Variants in KCNAB2 observed in about 807,000 individuals in gnomAD.
KCNAB2 encodes the protein potassium voltage-gated channel subfamily A regulatory beta subunit 2.
KCNAB2 carries 29 observed loss-of-function variants against 63.6 expected under a neutral mutation model. The observed-to-expected ratio is 0.46, with a 90% confidence interval of 0.34 to 0.62. KCNAB2 has a LOEUF of 0.62. Among genes scored for constraint, KCNAB2 ranks in the 20% least tolerant of loss-of-function variants. The probability of loss-of-function intolerance (pLI) is 0.01; values close to 1 mark genes in which losing one functional copy is unlikely to be tolerated. For synonymous variants in KCNAB2, 222 were observed against 224.2 expected (o/e 0.99, Z 0.09); for missense variants, 359 against 563.9 (o/e 0.64, Z 3.68).
In KCNAB2 at chr1:6,072,538, G is replaced by A. The variant is rs555425187; in HGVS notation, c.219-217G>A. 2.7e-3 allele frequency among the ~76,000 whole-genome samples: 410 copies of A among 152,322 alleles called. 1 individual carries two copies. The highest frequency in any genetic ancestry group is 8.4e-3 in the African/African-American group (350 of 41,578). The stretch of plus-strand genomic sequence containing the variant: ...CCCCCACTGGGCACCAGCAGGGCCC[G>A]TGCCAGCAGCATGGTGTGGGCCGGG... On this transcript the variant is annotated intron_variant, in intron 2 of 15. Coordinates refer to ENST00000378083, the MANE Select transcript of KCNAB2 (RefSeq NM_001199862.2).
intron 10 of KCNAB2, 96 bp from the exon 11 acceptor site, chr1:6,094,304 T>A (rs1665435033): frequency 5.6e-6 from 5 of 885,076 alleles, no homozygotes; most frequent in Non-Finnish European, 9.0e-6. Context: ...CCCCTGTCCC[T>A]CCTCCCAGCG....
Position 6,079,267 on chromosome 1 carries a change from G to A in KCNAB2, c.301-2928G>A, listed in dbSNP as rs539407872. ...CACCCTTCAAAACCCAGTCTTTGTC[G>A]GCCGCACTTTGGGAGGCTGAGGCGG... is the stretch of plus-strand genomic sequence containing the variant. On this transcript the variant is annotated intron_variant, in intron 4 of 15. Transcript: ENST00000378083. Among the ~76,000 whole-genome samples the A allele has an allele frequency of 2.6e-3, 393 of 151,816 alleles. 1 individual carries two copies. The highest frequency in any genetic ancestry group is 7.3e-3 in the African/African-American group (300 of 41,302).
intron 2 of KCNAB2, among the ~76,000 whole-genome samples, chr1:6,065,632 G>A (rs1467256839): frequency 1.3e-5 from 2 of 152,310 alleles, no homozygotes; most frequent in East Asian, 1.9e-4. Context: ...GTCCAAGGAA[G>A]GCGGGTGTGC....
Position 6,090,981 on chromosome 1 carries a change from G to T in KCNAB2, c.602-282G>T, listed in dbSNP as rs1024452797. ...CGTTTTTTATTCTTTCTACTCCTGC[G>T]ATCTCAGCCCCCTCCGCTCCCCCAT... On this transcript the variant is annotated intron_variant, in intron 9 of 15. Coordinates refer to ENST00000378083, the MANE Select transcript of KCNAB2 (RefSeq NM_001199862.2). Among the ~76,000 whole-genome samples, 5 of 152,198 alleles carry T rather than the reference G, an allele frequency of 3.3e-5. No individual in the cohort carries two copies. The East Asian group carries it at 9.6e-4, about 29-fold the overall frequency.
intron 5 of KCNAB2, among the ~76,000 whole-genome samples, chr1:6,084,584 AGTG>A (rs1664495987): frequency 6.6e-6 from 1 of 152,180 alleles, no homozygotes; most frequent in African/African-American, 2.4e-5. Context: ...GGGAGGCCAC[AGTG>A]GGCGGATCAC....
At chr1:6,082,474 T>C (rs995454875) in intron 5 of KCNAB2, among the ~76,000 whole-genome samples, 200 bp downstream of exon 5, 1 of 152,168 alleles carries the variant, frequency 6.6e-6, no homozygotes, top group African/African-American at 2.4e-5. Flanking sequence ...ACTGATCACT[T>C]GCTGAACTCC....
At chr1:6,085,118 G>T in intron 5 of KCNAB2, 86 bp from the exon 6 acceptor site, 1 of 1,392,436 alleles carries the variant, frequency 7.2e-7, no homozygotes, top group Non-Finnish European at 1.0e-6. Context: ...TTTTCACAGA[G>T]GGAACCAAGT....
chr1:6,060,833 G>A (rs946756350), intron 2 of KCNAB2, among the ~76,000 whole-genome samples: 2 of 150,556 alleles, frequency 1.3e-5, no homozygotes, highest in Non-Finnish European at 2.9e-5. Context: ...AACCCAGGAG[G>A]TGGAGGTTGC....
At chr1:6,018,598 C>G (rs1008815179) in intron 1 of KCNAB2, 1 of 152,226 alleles carries the variant, frequency 6.6e-6, no homozygotes, top group African/African-American at 2.4e-5. Context: ...CAGGTATGCA[C>G]CACGACGCCC....
rs952385334 is a variant in KCNAB2, at chr1:6,087,152, GC to G, written c.426-309del. 1.3e-5 allele frequency among the ~76,000 whole-genome samples: 2 copies of G among 151,860 alleles called. No individual in the cohort carries two copies. The highest frequency in any genetic ancestry group is 1.9e-4 in the East Asian group (1 of 5,138). On this transcript the variant is annotated intron_variant, in intron 6 of 15. Transcript: ENST00000378083. This position sits in a 1 kb window ranked among gnomAD's most constrained non-coding sequence, Gnocchi z 6.4. ...GCACCCCTCATAGTCCCTGAGCCAG[GC>G]CCCCCTCCCACATCCTGGGCGGAAG...
intron 1 of KCNAB2, among the ~76,000 whole-genome samples, chr1:6,016,333 C>T (rs1207189813): frequency 2.6e-5 from 4 of 152,212 alleles, no homozygotes; most frequent in Non-Finnish European, 5.9e-5. Context: ...TCGCTCCTGG[C>T]GGGTCCTTTC....
chr1:6,033,068 T>C (rs1285153592), upstream of KCNAB2, among the ~76,000 whole-genome samples: 1 of 152,244 alleles, frequency 6.6e-6, no homozygotes, highest in Non-Finnish European at 1.5e-5. Context: ...TTGAACTAAG[T>C]ATCTTAGGTA....
chr1:6,079,123 C>T (rs1019188119), intron 4 of KCNAB2, among the ~76,000 whole-genome samples: 2 of 152,166 alleles, frequency 1.3e-5, no homozygotes, highest in African/African-American at 2.4e-5. Context: ...CACAGGTGAG[C>T]GAGACCTCCC....
At chr1:6,005,380 A>T (rs1354015818) in intron 1 of KCNAB2, among the ~76,000 whole-genome samples, 1 of 29,404 alleles carries the variant, frequency 3.4e-5, no homozygotes, top group African/African-American at 1.8e-4. Flanking sequence ...AGTGAGGGTG[A>T]ACTGGGGGAT....
intron 1 of KCNAB2, among the ~76,000 whole-genome samples, chr1:6,050,725 C>G (rs778450028): frequency 6.6e-6 from 1 of 152,208 alleles, no homozygotes; most frequent in Non-Finnish European, 1.5e-5. Flanking sequence ...ATCATTTCAG[C>G]TATATTTCAG....
In KCNAB2 at chr1:6,073,023, AG is replaced by A. The variant is rs1220520106; in HGVS notation, c.262+226del. On this transcript the variant is annotated intron_variant, in intron 3 of 15. Coordinates refer to ENST00000378083, the MANE Select transcript of KCNAB2 (RefSeq NM_001199862.2). This position sits in a 1 kb window ranked among gnomAD's most constrained non-coding sequence, Gnocchi z 5.7. Reference sequence around the variant, plus strand: ...AGAGGGAGAGAGACACAGTCTCAGCAGAGGAGGTGAGGCGGATACTAGGGGC... The same window carrying A: ...AGAGGGAGAGAGACACAGTCTCAGCAAGGAGGTGAGGCGGATACTAGGGGC... 6.6e-6 allele frequency among the ~76,000 whole-genome samples: 1 copy of A among 152,092 alleles called. No individual in the cohort carries two copies. Among genetic ancestry groups the A allele is most frequent in the Non-Finnish European group, 1.5e-5 (1 of 67,986 alleles).
chr1:6,066,887 G>A (rs1356250021), intron 2 of KCNAB2, among the ~76,000 whole-genome samples: 1 of 152,246 alleles, frequency 6.6e-6, no homozygotes, highest in Admixed American at 6.5e-5. Context: ...GTCAGCCCAG[G>A]CACCTTGCTT....
rs973844545 is a variant in KCNAB2, at chr1:6,069,196, G to A, written c.219-3559G>A. On this transcript the variant is annotated intron_variant, in intron 2 of 15. Transcript: ENST00000378083. The surrounding 1 kb of genome is among the most constrained non-coding windows in gnomAD (Gnocchi z 5.4). ...TCATCACTGCACGGAGCAGACAGGC[G>A]AGCAGGGCACTAACAGGAGCCACCC... 3.3e-5 allele frequency among the ~76,000 whole-genome samples: 5 copies of A among 152,174 alleles called. No homozygotes were observed. Among genetic ancestry groups the A allele is most frequent in the Admixed American group, 6.5e-5 (1 of 15,284 alleles).
chr1:6,068,897 A>G (rs1184697614), intron 2 of KCNAB2, among the ~76,000 whole-genome samples: 1 of 152,188 alleles, frequency 6.6e-6, no homozygotes, highest in Non-Finnish European at 1.5e-5. Flanking sequence ...CATGGCCAGT[A>G]CCAGGCGCCA....
Sources: allele counts gnomAD v4.1 joint callset (sites outside exome capture counted in the v4.1 genomes callset), GRCh38; gene constraint gnomAD v4.1.1; non-coding constraint Gnocchi (gnomAD v3.1); transcripts MANE v1.5; gene names NCBI Gene and HGNC (gene_info 2026-07-23, HGNC 2026-07-21).